EVX2: variants seen among roughly 807,000 people sequenced by gnomAD.
The protein encoded by EVX2 is homeobox even-skipped homolog protein 2.
In EVX2, 10 loss-of-function variants were observed where a neutral mutation model predicts 19.2. The ratio of observed to expected loss-of-function variants is 0.52; its 90% CI spans 0.32 to 0.89. The LOEUF (loss-of-function observed/expected upper bound fraction) is 0.89. Among genes scored for constraint, EVX2 ranks in the 40% least tolerant of loss-of-function variants. The pLI is 0.03. For synonymous variants in EVX2, 354 were observed against 328.4 expected (o/e 1.08, Z -0.84); for missense variants, 710 against 694.9 (o/e 1.02, Z -0.24).
rs901777388 is a variant in EVX2 at position 176,081,486 on chromosome 2, A to G, written c.700-648T>C. 9.2e-5 allele frequency among the ~76,000 whole-genome samples: 14 copies of G among 152,176 alleles called. No individual in the cohort carries two copies. Among genetic ancestry groups the G allele is most frequent in the Admixed American group, 5.9e-4 (9 of 15,284 alleles). On this transcript the variant is annotated intron_variant, in intron 2 of 2. Transcript: ENST00000308618. This position sits in a 1 kb window ranked among gnomAD's most constrained non-coding sequence, Gnocchi z 5.9. ...AAATTAAAGAAAGCCCGATCAAACC[A>G]GAGGGAGACTTCCACACTCCTCCCC... is the stretch of plus-strand genomic sequence containing the variant.
Position 176,080,978 on chromosome 2 carries a change from T to A in EVX2, c.700-140A>T. The A allele has an allele frequency of 8.8e-7, 1 of 1,139,140 alleles. No individual in the cohort carries two copies. Among genetic ancestry groups the A allele is most frequent in the Non-Finnish European group, 1.2e-6 (1 of 833,564 alleles). 70.6% of individuals were successfully genotyped at this position (1,139,140 alleles called of 1,614,324 possible). ...ACCAAGCCCAACCCCGAGTACCCTG[T>A]GGTCTCCCAGCTGGGAAAGTGTGGA... On this transcript the variant is annotated intron_variant, in intron 2 of 2. Transcript: ENST00000308618. The surrounding 1 kb of genome is among the most constrained non-coding windows in gnomAD (Gnocchi z 7.0).
Position 176,082,506 on chromosome 2 carries a change from T to C in EVX2, c.428-57A>G, listed in dbSNP as rs963167166. 6 of 1,485,988 alleles carry C rather than the reference T, an allele frequency of 4.0e-6. No homozygotes were observed. Among genetic ancestry groups the C allele is most frequent in the Non-Finnish European group, 5.4e-6 (6 of 1,121,150 alleles). The allele number at this position is 1,485,988 out of a possible 1,614,324, so 92.1% of individuals were successfully genotyped here. A position where few individuals can be genotyped will look rare whatever the true frequency, so the allele number is the denominator to read the frequency against. ...GGCTGTAGGACCAACAGCCCGGCGCTGGCGCTGCGCGCGGATCGGGGAAGC... is the reference window on the plus strand; with the variant it reads ...GGCTGTAGGACCAACAGCCCGGCGCCGGCGCTGCGCGCGGATCGGGGAAGC... On this transcript the variant is annotated intron_variant, in intron 1 of 2. Transcript: ENST00000308618. The surrounding 1 kb of genome is among the most constrained non-coding windows in gnomAD (Gnocchi z 5.2).
rs765978599 is a variant in EVX2, at chr2:176,083,644, G to A, written c.133C>T (p.His45Tyr). Reference protein sequence around the residue: ...AVLEALENSQHPARLSPRLPS... With the variant: ...AVLEALENSQYPARLSPRLPS... ...AGGCGCGGGCTTAGGCGAGCCGGGT[G>A]CTGCGAATTTTCCAGGGCCTCGAGC... is the stretch of plus-strand genomic sequence containing the variant. Residue 45 changes from histidine to tyrosine, a missense_variant, in exon 1 of 3, where the codon CAC becomes TAC. By Grantham distance (83) the His-to-Tyr change is moderately conservative. Coordinates refer to ENST00000308618, the MANE Select transcript of EVX2 (RefSeq NM_001080458.2). This position sits in a 1 kb window ranked among gnomAD's most constrained non-coding sequence, Gnocchi z 4.4. 3 of 1,614,056 alleles carry A rather than the reference G, an allele frequency of 1.9e-6. No individual in the cohort carries two copies. Among genetic ancestry groups the A allele is most frequent in the African/African-American group, 2.7e-5 (2 of 74,948 alleles).
At position 176,081,932 on chromosome 2, in the gene EVX2, G is replaced by C. The variant is rs188781200; in HGVS notation, c.699+246C>G. Among the ~76,000 whole-genome samples the C allele has an allele frequency of 6.6e-6, 1 of 152,204 alleles. No homozygotes were observed. On this transcript the variant is annotated intron_variant, in intron 2 of 2. Transcript: ENST00000308618. This position sits in a 1 kb window ranked among gnomAD's most constrained non-coding sequence, Gnocchi z 5.9. ...ATCTGGCCAGGCGTTGGGCACAATGGAGCAGGGGCGAGTGCTTTCAGCATT... is the reference window on the plus strand; with the variant it reads ...ATCTGGCCAGGCGTTGGGCACAATGCAGCAGGGGCGAGTGCTTTCAGCATT...
In EVX2 at chr2:176,080,434, A is replaced by AGCCGCTGCGGCTGCCGCG; in HGVS notation, c.1086_1103dup (p.Ala365_Ala370dup). 1 of 1,116,830 alleles carries AGCCGCTGCGGCTGCCGCG rather than the reference A, an allele frequency of 9.0e-7. No individual in the cohort carries two copies. Among genetic ancestry groups the AGCCGCTGCGGCTGCCGCG allele is most frequent in the Non-Finnish European group, 1.1e-6 (1 of 917,052 alleles). 69.2% of individuals were successfully genotyped at this position (1,116,830 alleles called of 1,614,324 possible). ...CGGCCGCCGCCGCCGAGGAGGCCGCAGCCGCTGCGGCTGCCGCGGCTGCCG... is the reference window on the plus strand; with the variant it reads ...CGGCCGCCGCCGCCGAGGAGGCCGCAGCCGCTGCGGCTGCCGCGGCCGCTGCGGCTGCCGCGGCTGCCG... On this transcript the variant is annotated inframe_insertion, in exon 3 of 3. Transcript: ENST00000308618. This position sits in a 1 kb window ranked among gnomAD's most constrained non-coding sequence, Gnocchi z 7.0.
chr2:176,080,394 C>A lies in EVX2; in HGVS notation c.1144G>T (p.Gly382Cys). 2 of 1,096,022 alleles carry A rather than the reference C, an allele frequency of 1.8e-6. No homozygotes were observed. The highest frequency in any genetic ancestry group is 2.2e-6 in the Non-Finnish European group (2 of 900,518). 67.9% of individuals were successfully genotyped at this position (1,096,022 alleles called of 1,614,324 possible). A position where few individuals can be genotyped will look rare whatever the true frequency, so the allele number is the denominator to read the frequency against. Residue 382 changes from glycine to cysteine, a missense_variant, in exon 3 of 3, where the codon GGC becomes TGC. By Grantham distance (159) the Gly-to-Cys change is radical. Transcript: ENST00000308618. The surrounding 1 kb of genome is among the most constrained non-coding windows in gnomAD (Gnocchi z 7.0). Reference sequence around the variant, plus strand: ...AGGCACGAGCAGGGTGCAGAGCCGCCGCTGGGGGGCGCGCCGGCCGCCGCC... The same window carrying A: ...AGGCACGAGCAGGGTGCAGAGCCGCAGCTGGGGGGCGCGCCGGCCGCCGCC... Reference protein sequence around the residue: ...SAAAAGAPPSGGSAPCSCLSC... With the variant: ...SAAAAGAPPSCGSAPCSCLSC...
rs199567327 is a variant in EVX2 at position 176,083,453 on chromosome 2, C to T, written c.324G>A (p.Ala108=). 6.2e-7 allele frequency: 1 copy of T among 1,614,120 alleles called. No individual in the cohort carries two copies. Among genetic ancestry groups the T allele is most frequent in the Non-Finnish European group, 8.5e-7 (1 of 1,180,028 alleles). ...SRKKPGHYSE[A]AAEADMSSDV... is the part of the protein sequence containing the mutation. ...CGCTGCTCATGTCGGCCTCAGCGGC[C>T]GCCTCTGAATAATGGCCCGGCTTCT... Residue 108 remains alanine, a synonymous_variant, in exon 1 of 3, where the codon GCG becomes GCA. Transcript: ENST00000308618. The surrounding 1 kb of genome is among the most constrained non-coding windows in gnomAD (Gnocchi z 4.4).
rs1238990876 is a variant in EVX2, at chr2:176,080,138, T to C, written c.1400A>G (p.Asp467Gly). The change falls in exon 3 of 3, where the codon GAC becomes GGC. Residue 467 changes from aspartate to glycine, a missense_variant. By Grantham distance (94) the Asp-to-Gly change is moderately conservative. Transcript: ENST00000308618. This position sits in a 1 kb window ranked among gnomAD's most constrained non-coding sequence, Gnocchi z 7.0. Reference protein sequence around the residue: ...VLSKTAVSPPDQRDEAPLTR With the variant: ...VLSKTAVSPPGQRDEAPLTR ...GGTGAGCGGAGCCTCGTCCCTCTGG[T>C]CCGGCGGGCTCACGGCCGTCTTACT... The C allele has an allele frequency of 3.2e-6, 5 of 1,549,394 alleles. No homozygotes were observed. Among genetic ancestry groups the C allele is most frequent in the Non-Finnish European group, 4.3e-6 (5 of 1,152,498 alleles).
At position 176,083,649 on chromosome 2, in the gene EVX2, G is replaced by C. The variant is rs754465827; in HGVS notation, c.128C>G (p.Ser43Trp). 4 of 1,614,168 alleles carry C rather than the reference G, an allele frequency of 2.5e-6. No homozygotes were observed. Among genetic ancestry groups the C allele is most frequent in the Non-Finnish European group, 2.5e-6 (3 of 1,180,038 alleles). The change falls in exon 1 of 3, where the codon TCG becomes TGG. Residue 43 changes from serine to tryptophan, a missense_variant. By Grantham distance (177) the Ser-to-Trp change is radical (BLOSUM62 -3). Coordinates refer to ENST00000308618, the MANE Select transcript of EVX2 (RefSeq NM_001080458.2). This position sits in a 1 kb window ranked among gnomAD's most constrained non-coding sequence, Gnocchi z 4.4. ...CGGGCTTAGGCGAGCCGGGTGCTGC[G>C]AATTTTCCAGGGCCTCGAGCACAGC... ...GNAVLEALENSQHPARLSPRL... is the reference protein window; with the variant it reads ...GNAVLEALENWQHPARLSPRL...
In EVX2 at chr2:176,082,276, C is replaced by G; in HGVS notation, c.601G>C (p.Ala201Pro). 1 of 1,602,368 alleles carries G rather than the reference C, an allele frequency of 6.2e-7. No individual in the cohort carries two copies. Among genetic ancestry groups the G allele is most frequent in the Non-Finnish European group, 8.5e-7 (1 of 1,178,868 alleles). ...CGGTAGAACTCCTTCTCCAGGCGCG[C>G]GATCTGCTCGCGGGTGAACGCCGTA... Reference protein sequence around the residue: ...YRTAFTREQIARLEKEFYREN... With the variant: ...YRTAFTREQIPRLEKEFYREN... Residue 201 changes from alanine to proline, a missense_variant, in exon 2 of 3, where the codon GCG (alanine) becomes CCG (proline). Coordinates refer to ENST00000308618, the MANE Select transcript of EVX2 (RefSeq NM_001080458.2). This position sits in a 1 kb window ranked among gnomAD's most constrained non-coding sequence, Gnocchi z 5.2.
chr2:176,083,213 G>T lies in EVX2; in HGVS notation c.427+137C>A. The T allele has an allele frequency of 2.2e-6, 2 of 918,156 alleles. No individual in the cohort carries two copies. The highest frequency in any genetic ancestry group is 3.2e-6 in the Non-Finnish European group (2 of 618,048). The allele number at this position is 918,156 out of a possible 1,614,324, so 56.9% of individuals were successfully genotyped here. ...AGGCACGGTCCCAGACATGCGTCCC[G>T]CCCCCGCCCGTGCTAGCTCGGTGTA... On this transcript the variant is annotated intron_variant, in intron 1 of 2. Coordinates refer to ENST00000308618, the MANE Select transcript of EVX2 (RefSeq NM_001080458.2). This position sits in a 1 kb window ranked among gnomAD's most constrained non-coding sequence, Gnocchi z 4.4.
rs1341537099 is a variant in EVX2 at position 176,083,336 on chromosome 2, G to A, written c.427+14C>T. 10 of 1,560,462 alleles carry A rather than the reference G, an allele frequency of 6.4e-6. No individual in the cohort carries two copies. Among genetic ancestry groups the A allele is most frequent in the South Asian group, 2.3e-5 (2 of 85,636 alleles). On this transcript the variant is annotated intron_variant, in intron 1 of 2. Transcript: ENST00000308618. This position sits in a 1 kb window ranked among gnomAD's most constrained non-coding sequence, Gnocchi z 4.4. ...GGATGGGACTGGAGAGCGCGGTGCGGCCGGCGCGGTTACCTTTGCCATTGT... is the reference window on the plus strand; with the variant it reads ...GGATGGGACTGGAGAGCGCGGTGCGACCGGCGCGGTTACCTTTGCCATTGT...
In EVX2 at chr2:176,080,443, G is replaced by T; in HGVS notation, c.1095C>A (p.Ala365=). 8.7e-7 allele frequency: 1 copy of T among 1,155,852 alleles called. No individual in the cohort carries two copies. The highest frequency in any genetic ancestry group is 1.1e-6 in the Non-Finnish European group (1 of 940,304). The allele number at this position is 1,155,852 out of a possible 1,614,324, so 71.6% of individuals were successfully genotyped here. ...CCGCCGAGGAGGCCGCAGCCGCTGCGGCTGCCGCGGCTGCCGCGGCAGAGG... is the reference window on the plus strand; with the variant it reads ...CCGCCGAGGAGGCCGCAGCCGCTGCTGCTGCCGCGGCTGCCGCGGCAGAGG... ...SAASAAAAAA[A]AAAAASSAAA... The change falls in exon 3 of 3, where the codon GCC becomes GCA. Residue 365 remains alanine (A), a synonymous_variant. Coordinates refer to ENST00000308618, the MANE Select transcript of EVX2 (RefSeq NM_001080458.2). The surrounding 1 kb of genome is among the most constrained non-coding windows in gnomAD (Gnocchi z 7.0).
Position 176,080,416 on chromosome 2 carries a change from C to G in EVX2, c.1122G>C (p.Ala374=). 1 of 1,077,014 alleles carries G rather than the reference C, an allele frequency of 9.3e-7. No homozygotes were observed. Among genetic ancestry groups the G allele is most frequent in the Non-Finnish European group, 1.1e-6 (1 of 890,628 alleles). 66.7% of individuals were successfully genotyped at this position (1,077,014 alleles called of 1,614,324 possible). Residue 374 remains alanine (A), a synonymous_variant, in exon 3 of 3, where the codon GCG becomes GCC. Coordinates refer to ENST00000308618, the MANE Select transcript of EVX2 (RefSeq NM_001080458.2). The surrounding 1 kb of genome is among the most constrained non-coding windows in gnomAD (Gnocchi z 7.0). ...AAAAAAASSA[A]AAGAPPSGGS... is the part of the protein sequence containing the mutation. ...CGCCGCTGGGGGGCGCGCCGGCCGC[C>G]GCCGCCGAGGAGGCCGCAGCCGCTG...
chr2:176,078,289 A>G lies in EVX2; in HGVS notation c.*1818T>C, dbSNP rs1689082362. On this transcript the variant is annotated 3_prime_UTR_variant, in exon 3 of 3. Transcript: ENST00000308618. The stretch of plus-strand genomic sequence containing the variant: ...TTTAAGAGCACGGATATATATATGC[A>G]TATACATACATATACATATATATAC... 1 of 152,252 alleles carries G rather than the reference A, an allele frequency of 6.6e-6. No homozygotes were observed. The highest frequency in any genetic ancestry group is 1.9e-4 in the East Asian group (1 of 5,198). The allele number at this position is 152,252 out of a possible 1,614,324, so 9.4% of individuals were successfully genotyped here.
chr2:176,081,905 G>C lies in EVX2; in HGVS notation c.699+273C>G, dbSNP rs1689150701. Among the ~76,000 whole-genome samples, 1 of 152,240 alleles carries C rather than the reference G, an allele frequency of 6.6e-6. No individual in the cohort carries two copies. The highest frequency in any genetic ancestry group is 2.4e-5 in the African/African-American group (1 of 41,472). ...TGGGGCCGTGGGTATGGGCGAGGGG[G>C]CATCTGGCCAGGCGTTGGGCACAAT... is the stretch of plus-strand genomic sequence containing the variant. On this transcript the variant is annotated intron_variant, in intron 2 of 2. Transcript: ENST00000308618. This position sits in a 1 kb window ranked among gnomAD's most constrained non-coding sequence, Gnocchi z 5.9.
rs755595195 is a variant in EVX2, at chr2:176,080,854, C to G, written c.700-16G>C. The stretch of plus-strand genomic sequence containing the variant: ...GGAACCACACCTGCGGGGAGAGACG[C>G]GCCGCAGCCTGGGTTAGGGAGCGCC... On this transcript the variant is annotated splice_polypyrimidine_tract_variant and intron_variant, in intron 2 of 2. Transcript: ENST00000308618. This position sits in a 1 kb window ranked among gnomAD's most constrained non-coding sequence, Gnocchi z 7.0. 4.4e-6 allele frequency: 7 copies of G among 1,602,606 alleles called. No individual in the cohort carries two copies. Among genetic ancestry groups the G allele is most frequent in the Non-Finnish European group, 6.0e-6 (7 of 1,175,376 alleles).
Position 176,079,166 on chromosome 2 carries a change from T to G in EVX2, c.*941A>C, listed in dbSNP as rs959939811. 2 of 152,200 alleles carry G rather than the reference T, an allele frequency of 1.3e-5. No homozygotes were observed. The highest frequency in any genetic ancestry group is 2.9e-5 in the Non-Finnish European group (2 of 68,064). 9.4% of individuals were successfully genotyped at this position (152,200 alleles called of 1,614,324 possible). On this transcript the variant is annotated 3_prime_UTR_variant, in exon 3 of 3. Coordinates refer to ENST00000308618, the MANE Select transcript of EVX2 (RefSeq NM_001080458.2). The surrounding 1 kb of genome is among the most constrained non-coding windows in gnomAD (Gnocchi z 4.4). ...TCCCAGATCGAGTGGAACCCGGTAG[T>G]TGGAAAACTGAGCTGAAAACGCCTC...
chr2:176,080,939 T>C lies in EVX2; in HGVS notation c.700-101A>G, dbSNP rs73029923. ...CCTTCCGGACCTCTGAATGGCTTGG[T>C]CTACTTCTCTCCGACCAAGCCCAAC... is the stretch of plus-strand genomic sequence containing the variant. On this transcript the variant is annotated intron_variant, in intron 2 of 2. Coordinates refer to ENST00000308618, the MANE Select transcript of EVX2 (RefSeq NM_001080458.2). The surrounding 1 kb of genome is among the most constrained non-coding windows in gnomAD (Gnocchi z 7.0). 0.027 allele frequency: 37,462 copies of C among 1,402,034 alleles called. 3,554 individuals carry two copies. The East Asian group carries it at 0.28, about 11-fold the overall frequency. The allele number at this position is 1,402,034 out of a possible 1,614,324, so 86.8% of individuals were successfully genotyped here.
Sources: gnomAD v4.1 joint callset for allele counts (sites outside exome capture counted in the v4.1 genomes callset) on GRCh38, gnomAD v4.1.1 for gene constraint, Gnocchi (gnomAD v3.1) non-coding constraint, MANE v1.5 for transcripts, NCBI Gene and HGNC (gene_info 2026-07-23, HGNC 2026-07-21) for gene names.